The following ARMC2 variants were observed in gnomAD, a reference collection of about 807,000 sequenced individuals.
ARMC2 encodes armadillo repeat-containing protein 2.
In ARMC2, 67 loss-of-function variants were observed where a neutral mutation model predicts 90.3. The observed-to-expected ratio is 0.74, with a 90% CI of 0.61 to 0.91. ARMC2 has a LOEUF of 0.91. Ranked by LOEUF, ARMC2 falls within the 40% of genes least tolerant of loss-of-function variation. ARMC2 has a pLI of 0.00. For synonymous variants in ARMC2, 393 were observed against 393.0 expected (o/e 1.00, Z 0.00); for missense variants, 920 against 1,030.9 (o/e 0.89, Z 1.47).
rs148629013 is a variant in ARMC2, at chr6:108,899,714, G to C, written c.769G>C (p.Glu257Gln). 8.7e-6 allele frequency: 14 copies of C among 1,613,502 alleles called. No homozygotes were observed. The African/African-American group carries it at 1.6e-4, about 18-fold the overall frequency. ...TGCAGTCCCAAAAGCTGACCTGCAA[G>C]AAGAGGACGCAGAAATAGAAGTAGA... ...TKAVPKADLQ[E>Q]EDAEIEVDEV... Residue 257 changes from glutamate (E) to glutamine (Q), a missense_variant, in exon 7 of 18, where the codon GAA becomes CAA. Glu to Gln is a conservative substitution (Grantham distance 29). Coordinates refer to ENST00000392644, the MANE Select transcript of ARMC2 (RefSeq NM_032131.6).
the ARMC2 span, among the ~76,000 whole-genome samples, chr6:109,038,539 CCTA>C: frequency 6.6e-6 from 1 of 152,266 alleles, no homozygotes; most frequent in East Asian, 1.9e-4. Context: ...ACCTGAATTA[CCTA>C]CAGCACAATG....
At chr6:108,929,063 G>C (rs1299239179) in intron 11 of ARMC2, among the ~76,000 whole-genome samples, 4 of 151,994 alleles carry the variant, frequency 2.6e-5, no homozygotes, top group African/African-American at 4.8e-5. Flanking sequence ...TGGAGGCTTG[G>C]GGTCTCGACA....
intron 5 of ARMC2, among the ~76,000 whole-genome samples, chr6:108,888,029 C>T (rs887925304): frequency 6.6e-6 from 1 of 152,194 alleles, no homozygotes; most frequent in African/African-American, 2.4e-5. Flanking sequence ...CCGCTAATGT[C>T]ATTTTAGGCT....
the ARMC2 span, chr6:109,002,444 G>C: frequency 3.4e-6 from 3 of 885,908 alleles, no homozygotes; most frequent in Non-Finnish European, 5.5e-6. Context: ...ACAGAGACAG[G>C]CTTGTTTTGA....
downstream of ARMC2, among the ~76,000 whole-genome samples, chr6:108,978,137 GT>G (rs1478589850): frequency 5.5e-4 from 83 of 152,268 alleles, no homozygotes; most frequent in African/African-American, 1.9e-3. Flanking sequence ...TGGGCATTCA[GT>G]GCTATAAATT....
chr6:108,903,994 T>C (rs188560153), intron 7 of ARMC2, among the ~76,000 whole-genome samples: 27 of 152,248 alleles, frequency 1.8e-4, no homozygotes, highest in African/African-American at 6.0e-4. Context: ...AAAGACTGTG[T>C]ATTCTAGATA....
At chr6:108,966,496 T>C (rs1210647736) in intron 17 of ARMC2, among the ~76,000 whole-genome samples, 1 of 152,210 alleles carries the variant, frequency 6.6e-6, no homozygotes, top group Non-Finnish European at 1.5e-5. Context: ...AACACCGTGC[T>C]ACTAAACAGA....
chr6:108,868,877 T>C lies in ARMC2; in HGVS notation c.345T>C (p.Phe115=). The C allele has an allele frequency of 6.2e-7, 1 of 1,613,960 alleles. No homozygotes were observed. Among genetic ancestry groups the C allele is most frequent in the Non-Finnish European group, 8.5e-7 (1 of 1,179,868 alleles). The change falls in exon 4 of 18, where the codon TTT becomes TTC. Residue 115 remains phenylalanine (F), a synonymous_variant. Coordinates refer to ENST00000392644, the MANE Select transcript of ARMC2 (RefSeq NM_032131.6). ...GAGAGGAGGATTCCTGCTTTTCCTT[T>C]CCTAAGCCCCCAGTGGACCCTGCGA... ...PTREEDSCFS[F]PKPPVDPAKI... is the part of the protein sequence containing the mutation.
chr6:108,931,225 C>A (rs943388064), intron 11 of ARMC2, among the ~76,000 whole-genome samples: 2 of 151,834 alleles, frequency 1.3e-5, no homozygotes, highest in African/African-American at 4.9e-5. Flanking sequence ...CCTCCAGGTC[C>A]ATCCATGTTC....
intron 10 of ARMC2, 115 bp downstream of exon 10, chr6:108,912,673 C>T (rs917553637): frequency 3.0e-5 from 28 of 926,006 alleles, no homozygotes; most frequent in Non-Finnish European, 4.2e-5. Flanking sequence ...GGGTGCCTGG[C>T]CTCCAAGGGC....
chr6:109,013,102 A>G, the ARMC2 span, among the ~76,000 whole-genome samples: 1 of 148,646 alleles, frequency 6.7e-6, no homozygotes, highest in African/African-American at 2.4e-5. Context: ...GCAACAGGGA[A>G]AAAAAAAAAA....
the ARMC2 span, chr6:108,990,960 C>G: frequency 1.4e-6 from 1 of 723,168 alleles, no homozygotes; most frequent in Non-Finnish European, 2.2e-6. Flanking sequence ...TTATCCCTAA[C>G]TCCCAGCTTC....
At chr6:108,968,972 CA>C (rs1778568775) in intron 17 of ARMC2, among the ~76,000 whole-genome samples, 2 of 152,280 alleles carry the variant, frequency 1.3e-5, no homozygotes, top group East Asian at 3.9e-4. Flanking sequence ...AGCTCATAAG[CA>C]GCGTGTTGAT....
At chr6:109,009,544 A>T in the ARMC2 span, 4 of 1,063,808 alleles carry the variant, frequency 3.8e-6, no homozygotes, top group East Asian at 9.6e-5. Context: ...CGCCTCAGTC[A>T]GCACGGACGG....
At position 108,910,941 on chromosome 6, in the gene ARMC2, A is replaced by C. The variant is rs1773362908; in HGVS notation, c.1066A>C (p.Ile356Leu). Reference protein sequence around the residue: ...RKNLLNVCKLIFKISRNEKND... With the variant: ...RKNLLNVCKLLFKISRNEKND... ...GAATCTTCTTAATGTCTGCAAACTTATATTTAAAATTAGCAGGAATGAGAA... is the reference window on the plus strand; with the variant it reads ...GAATCTTCTTAATGTCTGCAAACTTCTATTTAAAATTAGCAGGAATGAGAA... The change falls in exon 9 of 18, where the codon ATA (isoleucine) becomes CTA (leucine). Residue 356 changes from isoleucine to leucine, a missense_variant. Transcript: ENST00000392644. 1 of 1,583,378 alleles carries C rather than the reference A, an allele frequency of 6.3e-7. No individual in the cohort carries two copies. Among genetic ancestry groups the C allele is most frequent in the Admixed American group, 1.8e-5 (1 of 56,414 alleles).
At chr6:108,910,201 C>T (rs563443997) in intron 8 of ARMC2, among the ~76,000 whole-genome samples, 29 of 152,236 alleles carry the variant, frequency 1.9e-4, no homozygotes, top group African/African-American at 6.5e-4. Flanking sequence ...CGTGGTGGCT[C>T]ACACTTGTAA....
At chr6:108,915,915 A>C (rs1197957886) in intron 10 of ARMC2, among the ~76,000 whole-genome samples, 1 of 152,182 alleles carries the variant, frequency 6.6e-6, no homozygotes, top group East Asian at 1.9e-4. Flanking sequence ...TGGGAGGAGA[A>C]CGTATCCGTG....
chr6:108,860,163 A>G (rs1335472695), intron 3 of ARMC2, among the ~76,000 whole-genome samples: 2 of 151,780 alleles, frequency 1.3e-5, no homozygotes, highest in African/African-American at 4.8e-5. Flanking sequence ...TTAATTTTCA[A>G]AAGTTTTTTT....
At chr6:108,974,546 G>C (rs190749450), downstream of ARMC2, 1 of 152,152 alleles carries the variant, frequency 6.6e-6, no homozygotes, top group African/African-American at 2.4e-5. Flanking sequence ...TAAATTTGCT[G>C]GCTCACACCT....
Sources: gnomAD v4.1 joint callset for allele counts (sites outside exome capture counted in the v4.1 genomes callset) on GRCh38, gnomAD v4.1.1 for gene constraint, MANE v1.5 for transcripts, NCBI Gene and HGNC (gene_info 2026-07-23, HGNC 2026-07-21) for gene names.